The following DLG2 variants were observed in gnomAD, a reference collection of about 807,000 sequenced individuals.
The protein encoded by DLG2 is discs large MAGUK scaffold protein 2, also known as disks large homolog 2.
DLG2 carries 45 observed loss-of-function variants against 132.5 expected under a neutral mutation model. The ratio of observed to expected loss-of-function variants is 0.34; its 90% CI spans 0.27 to 0.44. DLG2 has a LOEUF of 0.44. Among genes scored for constraint, DLG2 ranks in the 20% least tolerant of loss-of-function variants. DLG2 has a pLI of 1.00. For missense variants in DLG2, 1,045 were observed against 1,196.9 expected (o/e 0.87, Z 1.87); for synonymous variants, 424 against 419.6 (o/e 1.01, Z -0.13).
At chr11:83,560,656 G>T (rs1472031540) in intron 19 of DLG2, among the ~76,000 whole-genome samples, 2 of 152,140 alleles carry the variant, frequency 1.3e-5, no homozygotes, top group Non-Finnish European at 2.9e-5. Context: ...AGAGGATTAG[G>T]TTATATATGT....
At chr11:85,145,155 T>C (rs1305291190) in intron 5 of DLG2, among the ~76,000 whole-genome samples, 1 of 152,038 alleles carries the variant, frequency 6.6e-6, no homozygotes, top group East Asian at 1.9e-4. Flanking sequence ...GTCATGCACC[T>C]CTATCTTGGA....
intron 7 of DLG2, among the ~76,000 whole-genome samples, chr11:84,371,809 AAAT>A (rs776751039): frequency 1.3e-5 from 2 of 152,194 alleles, no homozygotes; most frequent in African/African-American, 2.4e-5. Flanking sequence ...TTCTATGAGA[AAAT>A]AATATCTCCT....
intron 6 of DLG2, chr11:84,545,517 G>T: frequency 2.5e-6 from 1 of 401,048 alleles, no homozygotes. Flanking sequence ...TTGGCTCAAT[G>T]AAGCACTAGC....
intron 6 of DLG2, among the ~76,000 whole-genome samples, chr11:84,623,643 AAT>A (rs2099617580): frequency 6.6e-6 from 1 of 152,142 alleles, no homozygotes; most frequent in Non-Finnish European, 1.5e-5. Flanking sequence ...ATTTTTGAGA[AAT>A]ATTAACTACA....
chr11:84,193,719 T>A (rs1160756660), intron 8 of DLG2, among the ~76,000 whole-genome samples: 4 of 152,190 alleles, frequency 2.6e-5, no homozygotes, highest in Non-Finnish European at 5.9e-5. Flanking sequence ...AATTAAACTA[T>A]CCTAACCAGT....
intron 3 of DLG2, among the ~76,000 whole-genome samples, chr11:85,492,330 T>C (rs531726734): frequency 2.4e-4 from 36 of 152,316 alleles, no homozygotes; most frequent in African/African-American, 8.2e-4. Context: ...AATCAAAAAA[T>C]TGTAATTGCT....
At chr11:85,481,205 C>T (rs927453337) in intron 3 of DLG2, among the ~76,000 whole-genome samples, 1 of 152,190 alleles carries the variant, frequency 6.6e-6, no homozygotes, top group African/African-American at 2.4e-5. Flanking sequence ...CTACACATAA[C>T]GTGCTCAAAT....
intron 22 of DLG2, among the ~76,000 whole-genome samples, chr11:83,480,979 T>C (rs997098068): frequency 1.5e-4 from 23 of 152,270 alleles, no homozygotes; most frequent in Middle Eastern, 3.4e-3. Context: ...TCTTTTCTGC[T>C]TCAGTGAGTG....
chr11:84,677,732 T>C (rs2153702106), intron 6 of DLG2, among the ~76,000 whole-genome samples: 1 of 151,916 alleles, frequency 6.6e-6, no homozygotes, highest in Non-Finnish European at 1.5e-5. Context: ...GAAATAATAA[T>C]AATAATAAAA....
chr11:84,539,685 T>C (rs2099363476), intron 6 of DLG2, among the ~76,000 whole-genome samples: 1 of 152,194 alleles, frequency 6.6e-6, no homozygotes, highest in Admixed American at 6.5e-5. Context: ...TGATTCTTCC[T>C]AACCATGAGC....
chr11:84,648,007 C>T (rs992575471), intron 6 of DLG2, among the ~76,000 whole-genome samples: 1 of 152,114 alleles, frequency 6.6e-6, no homozygotes, highest in Non-Finnish European at 1.5e-5. Flanking sequence ...TTATTAGCCC[C>T]TTTTACAGAT....
rs2089135652 is a variant in DLG2, at chr11:83,457,077, C to T, written c.*2741G>A. 1 of 152,656 alleles carries T rather than the reference C, an allele frequency of 6.6e-6. No individual in the cohort carries two copies. The highest frequency in any genetic ancestry group is 1.5e-5 in the Non-Finnish European group (1 of 68,042). 9.5% of individuals were successfully genotyped at this position (152,656 alleles called of 1,614,324 possible). On this transcript the variant is annotated 3_prime_UTR_variant, in exon 28 of 28. Transcript: ENST00000376104. ...AGAGCATGAAAAATAGCACCAGTTACACGATCTGGCACTTTTCTGAAAGGG... is the reference window on the plus strand; with the variant it reads ...AGAGCATGAAAAATAGCACCAGTTATACGATCTGGCACTTTTCTGAAAGGG...
chr11:84,418,021 C>G (rs930134086), intron 7 of DLG2, among the ~76,000 whole-genome samples: 2 of 152,110 alleles, frequency 1.3e-5, no homozygotes, highest in Non-Finnish European at 2.9e-5. Context: ...GAGTTAAGAG[C>G]CAAACTCAAT....
rs1034006198 is a variant in DLG2 at position 83,458,518 on chromosome 11, G to T, written c.*1300C>A. The T allele has an allele frequency of 6.5e-6, 1 of 152,884 alleles. No individual in the cohort carries two copies. Among genetic ancestry groups the T allele is most frequent in the Non-Finnish European group, 1.5e-5 (1 of 68,334 alleles). 9.5% of individuals were successfully genotyped at this position (152,884 alleles called of 1,614,324 possible). A position where few individuals can be genotyped will look rare whatever the true frequency, so the allele number is the denominator to read the frequency against. On this transcript the variant is annotated 3_prime_UTR_variant, in exon 28 of 28. Transcript: ENST00000376104. ...ACTTCTCTTCTCTCTCTTCCTCAAA[G>T]AAATAGTGCATCTAGGAACAGATCT...
intron 6 of DLG2, among the ~76,000 whole-genome samples, chr11:84,889,986 T>A (rs1225925262): frequency 6.6e-6 from 1 of 152,160 alleles, no homozygotes; most frequent in African/African-American, 2.4e-5. Context: ...AAATAATAGT[T>A]CCTCAGTGAA....
intron 6 of DLG2, among the ~76,000 whole-genome samples, chr11:84,844,981 A>C (rs1272138600): frequency 6.6e-6 from 1 of 152,178 alleles, no homozygotes; most frequent in Non-Finnish European, 1.5e-5. Context: ...GAACACTTGC[A>C]TTTTAAGATA....
At chr11:85,585,673 A>G (rs765837377) in intron 3 of DLG2, among the ~76,000 whole-genome samples, 1 of 150,852 alleles carries the variant, frequency 6.6e-6, no homozygotes, top group Non-Finnish European at 1.5e-5. Context: ...TGAGATGATC[A>G]TGTGATTTTT....
intron 3 of DLG2, among the ~76,000 whole-genome samples, chr11:85,460,253 A>G (rs1227267260): frequency 1.3e-5 from 2 of 152,126 alleles, no homozygotes; most frequent in African/African-American, 2.4e-5. Context: ...CCAGTCACTA[A>G]TGCTGGGATA....
chr11:83,500,736 T>C (rs1167757064), intron 21 of DLG2, among the ~76,000 whole-genome samples: 1 of 152,150 alleles, frequency 6.6e-6, no homozygotes, highest in Non-Finnish European at 1.5e-5. Flanking sequence ...TATGTCCCAC[T>C]ATGTGTCAAG....
Sources: gnomAD v4.1 joint callset for allele counts (sites outside exome capture counted in the v4.1 genomes callset) on GRCh38, gnomAD v4.1.1 for gene constraint, MANE v1.5 for transcripts, NCBI Gene and HGNC (gene_info 2026-07-23, HGNC 2026-07-21) for gene names.